ZNF761: variants seen among roughly 807,000 people sequenced by gnomAD.
ZNF761 encodes zinc finger protein 761.
Under a neutral mutation model 59.9 loss-of-function variants are expected in ZNF761, and 43 were observed. That is an observed-to-expected ratio of 0.72 (90% CI 0.56 to 0.92). The LOEUF (loss-of-function observed/expected upper bound fraction) is 0.92, where lower values mean the gene tolerates loss of function less well. Ranked by LOEUF, ZNF761 falls within the 40% of genes least tolerant of loss-of-function variation. ZNF761 has a pLI of 0.00. For missense variants in ZNF761, 850 were observed against 906.1 expected (o/e 0.94, Z 0.79); for synonymous variants, 294 against 304.8 (o/e 0.96, Z 0.37).
intron 1 of ZNF761, among the ~76,000 whole-genome samples, chr19:53,435,464 CTGTT>C (rs1221851176): frequency 6.6e-6 from 1 of 151,696 alleles, no homozygotes; most frequent in Non-Finnish European, 1.5e-5. Context: ...GCCACCATGC[CTGTT>C]TAATTTTGTA....
intron 1 of ZNF761, chr19:53,444,983 C>CTTTTTTTTTT (rs557589684): frequency 2.9e-5 from 4 of 137,060 alleles, no homozygotes; most frequent in Non-Finnish European, 4.6e-5. Context: ...TCTTTTTTTT[C>CTTTTTTTTTT]TTTTTTTTTT....
chr19:53,437,707 A>G (rs1423264391), intron 1 of ZNF761, among the ~76,000 whole-genome samples: 1 of 152,180 alleles, frequency 6.6e-6, no homozygotes, highest in East Asian at 1.9e-4. Flanking sequence ...GAAGCTATAC[A>G]GCCTCTAAGT....
intron 4 of ZNF761, chr19:53,450,175 G>C (rs12977064): frequency 1.1e-4 from 23 of 205,828 alleles, no homozygotes; most frequent in East Asian, 6.1e-4. Context: ...TGGTGGCATG[G>C]GCCTGTAATC....
intron 1 of ZNF761, chr19:53,442,963 T>A (rs185438505): frequency 5.6e-4 from 171 of 305,814 alleles, no homozygotes; most frequent in Admixed American, 9.1e-4. Flanking sequence ...TGTACAAGTA[T>A]ATTTTCCAGT....
intron 2 of ZNF761, 145 bp from the exon 3 acceptor site, chr19:53,447,051 C>G: frequency 2.1e-6 from 1 of 473,968 alleles, no homozygotes; most frequent in Non-Finnish European, 3.7e-6. Context: ...TGCGAGTTTT[C>G]CTGTGGCAGT....
At chr19:53,447,973 G>A (rs1291439777) in intron 3 of ZNF761, among the ~76,000 whole-genome samples, 2 of 152,052 alleles carry the variant, frequency 1.3e-5, no homozygotes, top group Non-Finnish European at 1.5e-5. Context: ...TTCATTAAAC[G>A]TTTTTATAAT....
chr19:53,453,651 G>T (rs1269385347), intron 4 of ZNF761, among the ~76,000 whole-genome samples: 1 of 152,110 alleles, frequency 6.6e-6, no homozygotes, highest in Non-Finnish European at 1.5e-5. Flanking sequence ...TGAGGCGGGT[G>T]GATCACTTGA....
intron 1 of ZNF761, among the ~76,000 whole-genome samples, chr19:53,433,461 C>CAGCGTTATGTTATAACTGTTCTCT (rs1482125258): frequency 7.0e-6 from 1 of 143,490 alleles, no homozygotes. Flanking sequence ...TCGACTTCGC[C>CAGCGTTATGTTATAACTGTTCTCT]AAGTCGAGCT....
intron 3 of ZNF761, among the ~76,000 whole-genome samples, chr19:53,447,958 G>T (rs11084253): frequency 2.0e-5 from 3 of 152,034 alleles, no homozygotes; most frequent in African/African-American, 7.3e-5. Context: ...TGTGAAACAG[G>T]TGTTTTCATT....
chr19:53,442,012 C>T, intron 1 of ZNF761: 2 of 1,096,550 alleles, frequency 1.8e-6, no homozygotes, highest in Non-Finnish European at 2.7e-6. Context: ...CTGAAGTGGC[C>T]TCCGTGAACG....
chr19:53,441,752 TA>T, intron 1 of ZNF761: 1 of 792,092 alleles, frequency 1.3e-6, no homozygotes, highest in Non-Finnish European at 2.1e-6. Context: ...CCGGCTGAGA[TA>T]AATCTTAGTT....
At position 53,457,216 on chromosome 19, in the gene ZNF761, G is replaced by T; in HGVS notation, c.*468G>T. On this transcript the variant is annotated 3_prime_UTR_variant, in exon 5 of 5. Coordinates refer to ENST00000684525, the MANE Select transcript of ZNF761 (RefSeq NM_001289951.2). ...GCTACAACCATTGTGAATCACTGGAGAATCCATAAGGAAGAGAGATCATAC... is the reference window on the plus strand; with the variant it reads ...GCTACAACCATTGTGAATCACTGGATAATCCATAAGGAAGAGAGATCATAC... The T allele has an allele frequency of 4.1e-6, 2 of 486,722 alleles. No individual in the cohort carries two copies. The highest frequency in any genetic ancestry group is 8.2e-6 in the Non-Finnish European group (2 of 242,842). 30.2% of individuals were successfully genotyped at this position (486,722 alleles called of 1,614,324 possible).
At chr19:53,452,911 T>G (rs1172479029) in intron 4 of ZNF761, among the ~76,000 whole-genome samples, 1 of 151,662 alleles carries the variant, frequency 6.6e-6, no homozygotes, top group African/African-American at 2.4e-5. Flanking sequence ...TCAGACCAGG[T>G]AGCCTGCATC....
chr19:53,434,378 C>T (rs970373009), intron 1 of ZNF761, among the ~76,000 whole-genome samples: 5 of 152,140 alleles, frequency 3.3e-5, no homozygotes, highest in African/African-American at 9.7e-5. Flanking sequence ...CTAATTGTTT[C>T]AAGTACACTA....
rs1464481470 is a variant in ZNF761, at chr19:53,454,714, C to A, written c.207C>A (p.Phe69Leu). The part of the protein sequence containing the change: ...LSTAQGNREV[F>L]HAGTLQIHES... ...CAGCGCAAGGCAACAGAGAAGTGTT[C>A]CATGCAGGGACATTGCAAATACATG... The change falls in exon 5 of 5, where the codon TTC becomes TTA. Residue 69 changes from phenylalanine to leucine, a missense_variant. Physicochemically the swap from Phe to Leu is conservative, Grantham distance 22. Transcript: ENST00000684525. The A allele has an allele frequency of 2.5e-6, 4 of 1,613,636 alleles. No homozygotes were observed. Among genetic ancestry groups the A allele is most frequent in the Non-Finnish European group, 1.7e-6 (2 of 1,179,840 alleles).
chr19:53,440,341 G>A (rs536899750), intron 1 of ZNF761, among the ~76,000 whole-genome samples: 89 of 152,234 alleles, frequency 5.8e-4, no homozygotes, highest in African/African-American at 1.8e-3. Flanking sequence ...AAGAATAAAA[G>A]GGGTGGGGGA....
In ZNF761 at chr19:53,446,227, A is replaced by G. The variant is rs2708751; in HGVS notation, c.-184A>G. 0.48 allele frequency: 73,650 copies of G among 151,906 alleles called. 18,768 individuals carry two copies. Among genetic ancestry groups the G allele is most frequent in the South Asian group, 0.73 (3,510 of 4,820 alleles). 9.4% of individuals were successfully genotyped at this position (151,906 alleles called of 1,614,324 possible). A position where few individuals can be genotyped will look rare whatever the true frequency, so the allele number is the denominator to read the frequency against. On this transcript the variant is annotated splice_region_variant and 5_prime_UTR_variant, in exon 2 of 5. Coordinates refer to ENST00000684525, the MANE Select transcript of ZNF761 (RefSeq NM_001289951.2). The stretch of plus-strand genomic sequence containing the variant: ...TTTTTTTTCTTTTTTTTGGAGACAG[A>G]GTATTGCCCGGGCTGTGAGTGCAGT...
rs182176100 is a variant in ZNF761, at chr19:53,456,646, T to G, written c.2139T>G (p.Thr713=). ...SSLICHHRLH[T]GEKPYKCNEC... The stretch of plus-strand genomic sequence containing the variant: ...TTATATGCCACCATAGACTTCATAC[T>G]GGAGAGAAACCTTACAAGTGTAATG... The change falls in exon 5 of 5, where the codon ACT becomes ACG. Residue 713 remains threonine (T), a synonymous_variant. Transcript: ENST00000684525. 3.3e-5 allele frequency: 54 copies of G among 1,613,966 alleles called. No individual in the cohort carries two copies. The East Asian group carries it at 9.8e-4, about 29-fold the overall frequency.
chr19:53,436,138 G>A (rs757862622), intron 1 of ZNF761, among the ~76,000 whole-genome samples: 40 of 152,146 alleles, frequency 2.6e-4, no homozygotes, highest in Non-Finnish European at 5.0e-4. Flanking sequence ...TGAACTGCTG[G>A]TTTCAGCTGA....
Sources: allele counts gnomAD v4.1 joint callset (sites outside exome capture counted in the v4.1 genomes callset), GRCh38; gene constraint gnomAD v4.1.1; transcripts MANE v1.5; gene names NCBI Gene and HGNC (gene_info 2026-07-23, HGNC 2026-07-21).